SENP5: variants seen among roughly 807,000 people sequenced by gnomAD.
SENP5 encodes SUMO specific peptidase 5, also known as sentrin-specific protease 5.
A neutral mutation model predicts 74.2 loss-of-function variants in SENP5; 21 were observed. The observed-to-expected ratio is 0.28, with a 90% CI of 0.20 to 0.41. The LOEUF is 0.41. Among genes scored for constraint, SENP5 ranks in the 10% least tolerant of loss-of-function variants. The probability of loss-of-function intolerance (pLI) is 1.00; values close to 1 mark genes in which losing one functional copy is unlikely to be tolerated. For missense variants in SENP5, 717 were observed against 889.1 expected (o/e 0.81, Z 2.46); for synonymous variants, 311 against 312.7 (o/e 0.99, Z 0.06).
chr3:196,874,883 T>A (rs1443039993), intron 1 of SENP5, among the ~76,000 whole-genome samples: 1 of 151,858 alleles, frequency 6.6e-6, no homozygotes, highest in Non-Finnish European at 1.5e-5. Context: ...AAAAAAAAAA[T>A]TCCTAGAGTT....
intron 1 of SENP5, among the ~76,000 whole-genome samples, chr3:196,872,864 G>T (rs1194544313): frequency 6.6e-6 from 1 of 152,134 alleles, no homozygotes; most frequent in Non-Finnish European, 1.5e-5. Context: ...TTCTAGTCTA[G>T]AGAAGAAGAC....
chr3:196,891,199 TATAACATA>T (rs1160721624), intron 2 of SENP5, among the ~76,000 whole-genome samples: 1 of 152,222 alleles, frequency 6.6e-6, no homozygotes, highest in African/African-American at 2.4e-5. Flanking sequence ...CAAAAGGCCT[TATAACATA>T]TGATTTCGTT....
intron 1 of SENP5, among the ~76,000 whole-genome samples, chr3:196,873,732 C>T (rs962708039): frequency 7.9e-5 from 12 of 151,902 alleles, no homozygotes; most frequent in African/African-American, 2.2e-4. Context: ...CCCAGCTACT[C>T]GGGAGGCTGA....
chr3:196,868,669 A>G (rs7433185), intron 1 of SENP5, among the ~76,000 whole-genome samples: 116,315 of 152,096 alleles, frequency 0.76, 44,918 homozygotes, highest in East Asian at 0.93. Flanking sequence ...GTGAAATCCT[A>G]CCCTGCTCTC....
At chr3:196,886,730 A>G (rs1234077784) in intron 2 of SENP5, 36 bp downstream of exon 2, 22 of 1,473,650 alleles carry the variant, frequency 1.5e-5, no homozygotes, top group Non-Finnish European at 1.9e-5. Flanking sequence ...TCAAACTCCA[A>G]GCTCACATTT....
intron 2 of SENP5, among the ~76,000 whole-genome samples, chr3:196,891,548 T>G (rs1291095291): frequency 2.0e-5 from 3 of 152,162 alleles, no homozygotes; most frequent in Non-Finnish European, 2.9e-5. Flanking sequence ...GAAGGATCGC[T>G]TGAGGGCAGG....
At position 196,932,130 on chromosome 3, in the gene SENP5, C is replaced by G. The variant is rs978407937; in HGVS notation, c.*1207C>G. 6 of 227,002 alleles carry G rather than the reference C, an allele frequency of 2.6e-5. No homozygotes were observed. The South Asian group carries it at 2.8e-4, about 11-fold the overall frequency. The allele number at this position is 227,002 out of a possible 1,614,324, so 14.1% of individuals were successfully genotyped here. ...AGGCCAAGTGGCCCTTGTCCATACA[C>G]TTAGCTGCATTAGGATGAATATCAC... is the stretch of plus-strand genomic sequence containing the variant. On this transcript the variant is annotated 3_prime_UTR_variant, in exon 10 of 10. Coordinates refer to ENST00000323460, the MANE Select transcript of SENP5 (RefSeq NM_152699.5).
chr3:196,931,089 C>CATGT lies in SENP5; in HGVS notation c.*168_*171dup, dbSNP rs1416212388. 1.7e-6 allele frequency: 1 copy of CATGT among 593,934 alleles called. No individual in the cohort carries two copies. The highest frequency in any genetic ancestry group is 3.0e-6 in the Non-Finnish European group (1 of 329,388). The allele number at this position is 593,934 out of a possible 1,614,324, so 36.8% of individuals were successfully genotyped here. On this transcript the variant is annotated 3_prime_UTR_variant, in exon 10 of 10. Transcript: ENST00000323460. ...TGCCCTTATTCATTTCTCCAGCTAC[C>CATGT]ATGTACTATTGTTTAATGTTCAGTT...
At chr3:196,888,136 T>C (rs2108820569) in intron 2 of SENP5, among the ~76,000 whole-genome samples, 1 of 152,356 alleles carries the variant, frequency 6.6e-6, no homozygotes, top group East Asian at 1.9e-4. Flanking sequence ...AGAAGCCTTC[T>C]CTTGTCAAAA....
intron 8 of SENP5, 46 bp downstream of exon 8, chr3:196,927,925 A>C: frequency 7.9e-7 from 1 of 1,262,990 alleles, no homozygotes; most frequent in Non-Finnish European, 1.2e-6. Context: ...CAGGGGATGG[A>C]ATTATCTAAG....
chr3:196,926,922 G>A (rs1715835437), intron 7 of SENP5, among the ~76,000 whole-genome samples: 2 of 152,154 alleles, frequency 1.3e-5, no homozygotes, highest in Admixed American at 1.3e-4. Context: ...GGGATTACAG[G>A]TGTGAGCCAC....
At position 196,885,431 on chromosome 3, in the gene SENP5, G is replaced by A. The variant is rs1158366632; in HGVS notation, c.250G>A (p.Val84Met). 6.2e-7 allele frequency: 1 copy of A among 1,614,048 alleles called. No individual in the cohort carries two copies. Among genetic ancestry groups the A allele is most frequent in the African/African-American group, 1.3e-5 (1 of 74,928 alleles). ...CCTTTGTGCTAAGACCAAGTTCAAT[G>A]TGGCTACTCAAAATGTTAGTACTTT... is the stretch of plus-strand genomic sequence containing the variant. Reference protein sequence around the residue: ...EPLCAKTKFNVATQNVSTLSS... With the variant: ...EPLCAKTKFNMATQNVSTLSS... Residue 84 changes from valine (V) to methionine (M), a missense_variant, in exon 2 of 10, where the codon GTG becomes ATG. This residue lies in a region of SENP5 where 567 missense variants were observed against 577.4 expected (regional missense o/e 0.98). Transcript: ENST00000323460.
intron 6 of SENP5, among the ~76,000 whole-genome samples, chr3:196,908,765 G>C (rs1294473545): frequency 3.3e-5 from 5 of 152,192 alleles, no homozygotes; most frequent in Non-Finnish European, 7.3e-5. Flanking sequence ...GGAGGTTGTG[G>C]TGAGCTGAGA....
chr3:196,897,705 T>C (rs1714501749), intron 2 of SENP5, among the ~76,000 whole-genome samples: 1 of 152,244 alleles, frequency 6.6e-6, no homozygotes, highest in Admixed American at 6.5e-5. Flanking sequence ...GGTTAAGATA[T>C]GTGGCTAACA....
At chr3:196,895,190 C>CTT (rs35820067) in intron 2 of SENP5, among the ~76,000 whole-genome samples, 85 of 123,064 alleles carry the variant, frequency 6.9e-4, no homozygotes, top group African/African-American at 2.3e-3. Context: ...CTTTTAACTT[C>CTT]TTTTTTTTTT....
At chr3:196,930,727 A>G (rs1716003786) in intron 9 of SENP5, 86 bp from the exon 10 acceptor site, 1 of 871,118 alleles carries the variant, frequency 1.1e-6, no homozygotes, top group Admixed American at 1.8e-5. Flanking sequence ...CTTAGACACT[A>G]TTAGGTCTGC....
chr3:196,923,411 C>T lies in SENP5; in HGVS notation c.1885-3C>T, dbSNP rs757561263. ...CTGCATTTCTTTCTCTTTTCTTGAT[C>T]AGGTGGATTTGTTTAAAAAGAGTCT... is the stretch of plus-strand genomic sequence containing the variant. On this transcript the variant is annotated splice_region_variant and splice_polypyrimidine_tract_variant and intron_variant, in intron 6 of 9. Transcript: ENST00000323460. 9.4e-6 allele frequency: 15 copies of T among 1,595,282 alleles called. No individual in the cohort carries two copies. The South Asian group carries it at 1.5e-4, about 16-fold the overall frequency.
At chr3:196,914,586 A>AAAAAAAAATATATATATAT in intron 6 of SENP5, 78 of 33,452 alleles carry the variant, frequency 2.3e-3, no homozygotes, top group Non-Finnish European at 2.8e-3. Flanking sequence ...AAAAAAAAAA[A>AAAAAAAAATATATATATAT]ATATATATAT....
chr3:196,892,332 A>G (rs867391797), intron 2 of SENP5, among the ~76,000 whole-genome samples: 1 of 151,874 alleles, frequency 6.6e-6, no homozygotes, highest in South Asian at 2.1e-4. Context: ...TTTTTAGTAG[A>G]GATGGGGTTT....
Sources: allele counts gnomAD v4.1 joint callset (sites outside exome capture counted in the v4.1 genomes callset), GRCh38; gene constraint gnomAD v4.1.1; regional missense constraint gnomAD v4.1.1; transcripts MANE v1.5; gene names NCBI Gene and HGNC (gene_info 2026-07-23, HGNC 2026-07-21).